C12orf42: variants seen among roughly 807,000 people sequenced by gnomAD.
C12orf42 encodes chromosome 12 open reading frame 42, also known as uncharacterized protein C12orf42.
C12orf42 carries 25 observed loss-of-function variants against 21.6 expected under a neutral mutation model. The observed-to-expected ratio is 1.16, with a 90% CI of 0.84 to 1.62. C12orf42 has a LOEUF of 1.62. Ranked by LOEUF, C12orf42 falls within the 40% of genes most tolerant of loss-of-function variation. C12orf42 has a pLI of 0.00. For missense variants in C12orf42, 483 were observed against 459.3 expected (o/e 1.05, Z -0.47); for synonymous variants, 174 against 175.0 (o/e 0.99, Z 0.05).
chr12:103,137,545 T>G, the C12orf42 span, among the ~76,000 whole-genome samples: 2 of 152,090 alleles, frequency 1.3e-5, no homozygotes. Flanking sequence ...AATTCACATA[T>G]CACATATCAA....
the C12orf42 span, among the ~76,000 whole-genome samples, chr12:103,127,809 A>G: frequency 6.6e-6 from 1 of 152,200 alleles, no homozygotes; most frequent in East Asian, 1.9e-4. Flanking sequence ...ATATATCTAT[A>G]TTTATAGTAC....
the C12orf42 span, among the ~76,000 whole-genome samples, chr12:103,154,630 C>T: frequency 6.6e-6 from 1 of 152,044 alleles, no homozygotes; most frequent in South Asian, 2.1e-4. Flanking sequence ...ATAATAGCAA[C>T]TGTTTTGGAT....
At chr12:103,426,209 C>A (rs936061937) in intron 2 of C12orf42, among the ~76,000 whole-genome samples, 18 of 151,972 alleles carry the variant, frequency 1.2e-4, no homozygotes, top group Admixed American at 1.1e-3. Context: ...AGCTAAGAAC[C>A]TTGAAAAAAG....
the C12orf42 span, among the ~76,000 whole-genome samples, chr12:103,215,487 G>C: frequency 6.6e-6 from 1 of 152,128 alleles, no homozygotes; most frequent in Admixed American, 6.6e-5. Flanking sequence ...GAAGGAATGA[G>C]TAACCTAATG....
chr12:103,275,195 A>C (rs2035696137), intron 5 of C12orf42, among the ~76,000 whole-genome samples: 1 of 152,098 alleles, frequency 6.6e-6, no homozygotes. Context: ...TAATCTTCAA[A>C]AGCTTCAGGG....
At chr12:103,118,772 TAAAAAAAAAAAAAAAAAAAAAA>T in the C12orf42 span, among the ~76,000 whole-genome samples, 1 of 41,640 alleles carries the variant, frequency 2.4e-5, no homozygotes, top group Non-Finnish European at 4.3e-5. Context: ...CACTCCAGCC[TAAAAAAAAAAAAAAAAAAAAAA>T]AAAAAAAAAA....
At chr12:103,542,118 A>T in the C12orf42 span, among the ~76,000 whole-genome samples, 2 of 152,264 alleles carry the variant, frequency 1.3e-5, no homozygotes, top group Non-Finnish European at 2.9e-5. Context: ...GCAGATACAG[A>T]AGCATATTCC....
At chr12:103,514,528 G>A in the C12orf42 span, among the ~76,000 whole-genome samples, 825 of 152,276 alleles carry the variant, frequency 5.4e-3, 3 homozygotes, top group Non-Finnish European at 7.6e-3. Flanking sequence ...AGGAGTATGG[G>A]AGACAAAGTC....
intron 3 of C12orf42, among the ~76,000 whole-genome samples, chr12:103,386,545 A>G (rs1391555978): frequency 6.6e-6 from 1 of 152,198 alleles, no homozygotes; most frequent in Non-Finnish European, 1.5e-5. Context: ...AAAGTCCTCT[A>G]CCACTGGCAG....
At chr12:103,217,424 G>A in the C12orf42 span, among the ~76,000 whole-genome samples, 2 of 151,684 alleles carry the variant, frequency 1.3e-5, no homozygotes, top group African/African-American at 2.4e-5. Context: ...AGCTACTTGG[G>A]AGGCTGAGGC....
At chr12:103,053,033 G>C in the C12orf42 span, among the ~76,000 whole-genome samples, 39 of 151,994 alleles carry the variant, frequency 2.6e-4, 1 homozygote, top group Non-Finnish European at 4.6e-4. Flanking sequence ...CAATATCTTA[G>C]TTACTTTAAC....
chr12:103,127,469 T>A, the C12orf42 span, among the ~76,000 whole-genome samples: 6 of 151,966 alleles, frequency 3.9e-5, 1 homozygote, highest in Non-Finnish European at 5.9e-5. Flanking sequence ...ATTGCTTGCA[T>A]AAAAAAATGC....
At position 103,306,359 on chromosome 12, in the gene C12orf42, A is replaced by G; in HGVS notation, c.260-14T>C. Reference sequence around the variant, plus strand: ...TTTCTGGAAATACTGTGAAAGGTAAATACATTCGTTTGAAAAATTCACCAA... The same window carrying G: ...TTTCTGGAAATACTGTGAAAGGTAAGTACATTCGTTTGAAAAATTCACCAA... On this transcript the variant is annotated splice_polypyrimidine_tract_variant and intron_variant, in intron 4 of 5. Coordinates refer to ENST00000548883, the MANE Select transcript of C12orf42 (RefSeq NM_198521.5). The G allele has an allele frequency of 6.4e-7, 1 of 1,572,814 alleles. No homozygotes were observed. The highest frequency in any genetic ancestry group is 8.6e-7 in the Non-Finnish European group (1 of 1,159,166).
chr12:103,530,369 C>T, the C12orf42 span, among the ~76,000 whole-genome samples: 1 of 152,170 alleles, frequency 6.6e-6, no homozygotes, highest in East Asian at 1.9e-4. Context: ...GTGCTGGAGA[C>T]TTTGGGGTCT....
chr12:103,100,222 G>A, the C12orf42 span, among the ~76,000 whole-genome samples: 11 of 152,294 alleles, frequency 7.2e-5, no homozygotes, highest in South Asian at 1.7e-3. Context: ...AAACTTTGGC[G>A]GGCAATCTTG....
chr12:103,169,159 T>TATAA, the C12orf42 span, among the ~76,000 whole-genome samples: 14,228 of 145,310 alleles, frequency 0.098, 813 homozygotes, highest in East Asian at 0.17. Flanking sequence ...TAAAGTATAA[T>TATAA]ATAAATAAAT....
intron 4 of C12orf42, among the ~76,000 whole-genome samples, chr12:103,347,980 G>A (rs1322079787): frequency 6.6e-6 from 1 of 152,030 alleles, no homozygotes; most frequent in Non-Finnish European, 1.5e-5. Flanking sequence ...GGCAAGTTAA[G>A]GCAAAGCATG....
At chr12:103,451,797 C>T (rs756561044) in intron 2 of C12orf42, among the ~76,000 whole-genome samples, 21 of 151,950 alleles carry the variant, frequency 1.4e-4, no homozygotes, top group Non-Finnish European at 2.6e-4. Flanking sequence ...CCTCCAATAA[C>T]AATGTTATCA....
the C12orf42 span, among the ~76,000 whole-genome samples, chr12:103,174,755 C>T: frequency 2.0e-5 from 3 of 152,142 alleles, no homozygotes; most frequent in Admixed American, 6.6e-5. Context: ...TTTTCAAATT[C>T]ATATCTTCTA....
Sources: gnomAD v4.1 joint callset for allele counts (sites outside exome capture counted in the v4.1 genomes callset) on GRCh38, gnomAD v4.1.1 for gene constraint, MANE v1.5 for transcripts, NCBI Gene and HGNC (gene_info 2026-07-23, HGNC 2026-07-21) for gene names.